Variants in CCDC171 observed in about 807,000 individuals in gnomAD.
The protein encoded by CCDC171 is coiled-coil domain containing 171.
CCDC171 carries 177 observed loss-of-function variants against 168.2 expected under a neutral mutation model. The observed-to-expected ratio is 1.05, with a 90% confidence interval of 0.93 to 1.19. The LOEUF is 1.19. CCDC171 is among the 50% of genes most tolerant of loss of function. CCDC171 has a pLI of 0.00. For synonymous variants in CCDC171, 687 were observed against 540.8 expected (o/e 1.27, Z -3.75); for missense variants, 1,991 against 1,539.0 (o/e 1.29, Z -4.91).
At chr9:15,951,981 A>G (rs1829240774) in intron 25 of CCDC171, among the ~76,000 whole-genome samples, 1 of 152,082 alleles carries the variant, frequency 6.6e-6, no homozygotes, top group African/African-American at 2.4e-5. Flanking sequence ...TTTCTTCTAA[A>G]AATTTTATAA....
In CCDC171 at chr9:15,633,375, C is replaced by T. The variant is rs566194722; in HGVS notation, c.822+9962C>T. ...AAACGGGGCAAAGGACATGAACAGA[C>T]ACTTCTGAAAAGTAGACATTTATGC... On this transcript the variant is annotated intron_variant, in intron 7 of 25. Coordinates refer to ENST00000380701, the MANE Select transcript of CCDC171 (RefSeq NM_173550.4). 9.2e-5 allele frequency among the ~76,000 whole-genome samples: 14 copies of T among 152,292 alleles called. No individual in the cohort carries two copies. The East Asian group carries it at 2.5e-3, about 27-fold the overall frequency.
rs542866519 is a variant in CCDC171, at chr9:15,655,571, A to C, written c.823-1556A>C. On this transcript the variant is annotated intron_variant, in intron 7 of 25. Transcript: ENST00000380701. Reference sequence around the variant, plus strand: ...AAACTGATAAATTAGACTTCATCATAATGAAAAGTTTTGGTTTGCAAGTGA... The same window carrying C: ...AAACTGATAAATTAGACTTCATCATCATGAAAAGTTTTGGTTTGCAAGTGA... Among the ~76,000 whole-genome samples the C allele has an allele frequency of 7.9e-5, 12 of 152,326 alleles. No individual in the cohort carries two copies. In the East Asian group the frequency reaches 2.3e-3, roughly 29 times the overall value.
At chr9:15,706,021 G>C (rs1437634750) in intron 11 of CCDC171, among the ~76,000 whole-genome samples, 2 of 152,140 alleles carry the variant, frequency 1.3e-5, no homozygotes, top group African/African-American at 2.4e-5. Flanking sequence ...TGGAACAGAT[G>C]TACAATCTTT....
At chr9:15,852,646 C>T (rs1490489695) in intron 23 of CCDC171, among the ~76,000 whole-genome samples, 1 of 151,488 alleles carries the variant, frequency 6.6e-6, no homozygotes, top group African/African-American at 2.4e-5. Context: ...TCTAATAATC[C>T]ATGTCCAAAT....
At chr9:15,655,693 A>G (rs1022795458) in intron 7 of CCDC171, among the ~76,000 whole-genome samples, 1 of 152,234 alleles carries the variant, frequency 6.6e-6, no homozygotes, top group African/African-American at 2.4e-5. Flanking sequence ...TGTATAATGA[A>G]CTTTTAAAGC....
intron 23 of CCDC171, among the ~76,000 whole-genome samples, chr9:15,871,340 GAAT>G (rs1288604515): frequency 6.6e-6 from 1 of 151,738 alleles, no homozygotes; most frequent in Non-Finnish European, 1.5e-5. Context: ...ATTATAGGAT[GAAT>G]AATAATGTAT....
Position 15,608,944 on chromosome 9 carries a change from C to CAAAAAA in CCDC171, c.676-14300_676-14295dup, listed in dbSNP as rs71491669. ...CGGGCTACAGAGCAAGACCCTGTCT[C>CAAAAAA]AAAAAAAAAAAAAAAAAAAAAAAAA... On this transcript the variant is annotated intron_variant, in intron 6 of 25. Coordinates refer to ENST00000380701, the MANE Select transcript of CCDC171 (RefSeq NM_173550.4). 8.2e-3 allele frequency among the ~76,000 whole-genome samples: 112 copies of CAAAAAA among 13,644 alleles called. 15 individuals carry two copies. The highest frequency in any genetic ancestry group is 0.071 in the Middle Eastern group (1 of 14). 9.0% of individuals were successfully genotyped at this position (13,644 alleles called of 152,430 possible). A position where few individuals can be genotyped will look rare whatever the true frequency, so the allele number is the denominator to read the frequency against.
intron 25 of CCDC171, among the ~76,000 whole-genome samples, chr9:15,929,870 A>T (rs1401307519): frequency 3.3e-5 from 5 of 151,784 alleles, no homozygotes; most frequent in Non-Finnish European, 5.9e-5. Flanking sequence ...CCCATAATAA[A>T]GTATGAGTTT....
At chr9:15,983,728 T>C (rs1831882141) in intron 3 of CCDC171, among the ~76,000 whole-genome samples, 1 of 151,898 alleles carries the variant, frequency 6.6e-6, no homozygotes, top group African/African-American at 2.4e-5. Context: ...GGGATGGATG[T>C]GATTGCCTGC....
At chr9:16,056,146 T>C (rs1833836389) in intron 1 of CCDC171, among the ~76,000 whole-genome samples, 1 of 152,236 alleles carries the variant, frequency 6.6e-6, no homozygotes. Context: ...TCTGCTAAAT[T>C]ATTAATAGTG....
intron 11 of CCDC171, among the ~76,000 whole-genome samples, chr9:15,704,555 A>G (rs1210772018): frequency 6.6e-6 from 1 of 152,230 alleles, no homozygotes; most frequent in Non-Finnish European, 1.5e-5. Flanking sequence ...TTATAGGGAC[A>G]GTAGCAAAAT....
intron 21 of CCDC171, among the ~76,000 whole-genome samples, chr9:15,840,104 TAA>T (rs941940028): frequency 3.6e-4 from 54 of 152,096 alleles, no homozygotes; most frequent in African/African-American, 1.3e-3. Context: ...AATATTAATG[TAA>T]GAGTATTTTA....
chr9:15,612,999 T>C (rs1450909038), intron 6 of CCDC171, among the ~76,000 whole-genome samples: 1 of 152,206 alleles, frequency 6.6e-6, no homozygotes, highest in Non-Finnish European at 1.5e-5. Context: ...TTAAATGCCA[T>C]AGACTGTTTT....
Position 16,029,011 on chromosome 9 carries a change from G to C in CCDC171, n.998+6103G>C, listed in dbSNP as rs1313292482. 2.0e-5 allele frequency among the ~76,000 whole-genome samples: 3 copies of C among 152,008 alleles called. No individual in the cohort carries two copies. The East Asian group carries it at 5.8e-4, about 29-fold the overall frequency. ...GCCCTGGTAAAAAGCCTTGAGCATAGAGCCCCCTCTTGGCCTCTTCTTCTG... is the reference window on the plus strand; with the variant it reads ...GCCCTGGTAAAAAGCCTTGAGCATACAGCCCCCTCTTGGCCTCTTCTTCTG... On this transcript the variant is annotated intron_variant and non_coding_transcript_variant, in intron 6 of 9. Transcript: ENST00000486641.
chr9:15,724,665 A>G (rs1443887347), intron 13 of CCDC171, 111 bp from the exon 14 acceptor site: 1 of 666,948 alleles, frequency 1.5e-6, no homozygotes, highest in African/African-American at 1.8e-5. Flanking sequence ...TGCCTTTGTG[A>G]TTCTTTCATT....
chr9:15,689,537 C>T (rs527385457), intron 10 of CCDC171, among the ~76,000 whole-genome samples: 11 of 152,178 alleles, frequency 7.2e-5, no homozygotes, highest in Admixed American at 2.0e-4. Flanking sequence ...ATGGTGAAAC[C>T]CCGTCTCTAC....
At chr9:15,959,677 A>G (rs1380146777) in intron 25 of CCDC171, among the ~76,000 whole-genome samples, 3 of 152,114 alleles carry the variant, frequency 2.0e-5, no homozygotes. Flanking sequence ...TAGAGAGTTA[A>G]TCTGAATGAG....
At chr9:15,639,793 G>A (rs1253302034) in intron 7 of CCDC171, among the ~76,000 whole-genome samples, 1 of 152,144 alleles carries the variant, frequency 6.6e-6, no homozygotes, top group East Asian at 1.9e-4. Flanking sequence ...ATATGAGCCT[G>A]TTTATGTAAA....
chr9:15,937,721 A>T (rs1045966734), intron 25 of CCDC171, among the ~76,000 whole-genome samples: 4 of 151,998 alleles, frequency 2.6e-5, no homozygotes, highest in African/African-American at 9.7e-5. Flanking sequence ...CAAGCTTAAT[A>T]CCTAAGAGAG....
Sources: allele counts gnomAD v4.1 joint callset (sites outside exome capture counted in the v4.1 genomes callset), GRCh38; gene constraint gnomAD v4.1.1; transcripts MANE v1.5; gene names NCBI Gene and HGNC (gene_info 2026-07-23, HGNC 2026-07-21).